Variants in DLG2 observed in about 807,000 individuals in gnomAD.
DLG2 encodes discs large MAGUK scaffold protein 2, also known as disks large homolog 2.
In DLG2, 45 loss-of-function variants were observed where a neutral mutation model predicts 132.5. That is an observed-to-expected ratio of 0.34 (90% confidence interval 0.27 to 0.44). The LOEUF (loss-of-function observed/expected upper bound fraction) is 0.44. DLG2 is among the 20% of genes least tolerant of loss of function. The pLI, the probability that DLG2 is intolerant of heterozygous loss-of-function variation, is 1.00. For missense variants in DLG2, 1,045 were observed against 1,196.9 expected (o/e 0.87, Z 1.87); for synonymous variants, 424 against 419.6 (o/e 1.01, Z -0.13).
chr11:84,880,616 AC>A (rs1176827664), intron 6 of DLG2, among the ~76,000 whole-genome samples: 1 of 152,160 alleles, frequency 6.6e-6, no homozygotes, highest in Admixed American at 6.6e-5. Flanking sequence ...ATGATAATAT[AC>A]CCTATCTCCC....
At chr11:85,395,861 C>G (rs1318990541) in intron 3 of DLG2, among the ~76,000 whole-genome samples, 1 of 152,228 alleles carries the variant, frequency 6.6e-6, no homozygotes, top group African/African-American at 2.4e-5. Context: ...AGGCAGCAGA[C>G]AGCTTCTGCA....
chr11:85,078,825 G>A (rs1300902420), intron 6 of DLG2, among the ~76,000 whole-genome samples: 1 of 152,086 alleles, frequency 6.6e-6, no homozygotes, highest in African/African-American at 2.4e-5. Flanking sequence ...AGCCAAGAGT[G>A]ATTTGTCATA....
intron 6 of DLG2, among the ~76,000 whole-genome samples, chr11:85,003,603 T>C (rs574199818): frequency 9.2e-5 from 14 of 152,224 alleles, no homozygotes; most frequent in Admixed American, 2.0e-4. Context: ...TTTTTCTTTG[T>C]TAAGGGTATA....
chr11:85,432,249 A>T (rs1192021506), intron 3 of DLG2, among the ~76,000 whole-genome samples: 4 of 152,180 alleles, frequency 2.6e-5, no homozygotes, highest in Non-Finnish European at 5.9e-5. Context: ...AAAACCCAAA[A>T]GCTCAGAGTG....
intron 19 of DLG2, among the ~76,000 whole-genome samples, chr11:83,573,365 G>C (rs1159217546): frequency 3.3e-5 from 5 of 152,104 alleles, no homozygotes; most frequent in Admixed American, 6.6e-5. Flanking sequence ...GGCTATAAGT[G>C]TCTTAGTACT....
intron 6 of DLG2, among the ~76,000 whole-genome samples, chr11:84,744,015 T>C (rs545966117): frequency 1.7e-4 from 26 of 152,276 alleles, no homozygotes; most frequent in African/African-American, 6.3e-4. Context: ...TGAGCCACCG[T>C]GCCCGGCCGG....
Position 85,123,638 on chromosome 11 carries a change from T to C in DLG2, c.283-11903A>G, listed in dbSNP as rs78793245. The stretch of plus-strand genomic sequence containing the variant: ...CAGAGAGTAAACATTTTCCGGGAAC[T>C]TTCGGCTTAAATTTACTTAATAGGT... On this transcript the variant is annotated intron_variant, in intron 5 of 27. Coordinates refer to ENST00000376104, the MANE Select transcript of DLG2 (RefSeq NM_001142699.3). Among the ~76,000 whole-genome samples, 1,478 of 152,314 alleles carry C rather than the reference T, an allele frequency of 9.7e-3. 19 individuals are homozygous for C. The highest frequency in any genetic ancestry group is 0.032 in the African/African-American group (1,340 of 41,550).
At chr11:85,152,900 T>G (rs532345252) in intron 5 of DLG2, among the ~76,000 whole-genome samples, 1 of 152,310 alleles carries the variant, frequency 6.6e-6, no homozygotes, top group African/African-American at 2.4e-5. Flanking sequence ...CAACCAGTTT[T>G]AATTCATAAG....
chr11:84,492,330 G>A (rs1055446076), intron 7 of DLG2, among the ~76,000 whole-genome samples: 10 of 152,114 alleles, frequency 6.6e-5, no homozygotes, highest in African/African-American at 2.4e-4. Context: ...CTTCTAATCA[G>A]TCCAAGCAAA....
At chr11:84,876,231 A>G (rs1019425846) in intron 6 of DLG2, among the ~76,000 whole-genome samples, 6 of 152,186 alleles carry the variant, frequency 3.9e-5, no homozygotes, top group Admixed American at 2.0e-4. Flanking sequence ...TAAGAAATAA[A>G]TTGTTTGGAA....
At chr11:84,096,528 T>A (rs1334533014) in intron 10 of DLG2, among the ~76,000 whole-genome samples, 3 of 152,040 alleles carry the variant, frequency 2.0e-5, no homozygotes, top group African/African-American at 4.8e-5. Flanking sequence ...TAACATAAAA[T>A]CTATTTCAAG....
Position 85,442,038 on chromosome 11 carries a change from T to C in DLG2, c.40+156619A>G, listed in dbSNP as rs1381798406. Among the ~76,000 whole-genome samples, 5 of 151,644 alleles carry C rather than the reference T, an allele frequency of 3.3e-5. No homozygotes were observed. The East Asian group carries it at 9.7e-4, about 29-fold the overall frequency. On this transcript the variant is annotated intron_variant, in intron 3 of 27. Coordinates refer to ENST00000376104, the MANE Select transcript of DLG2 (RefSeq NM_001142699.3). ...TATCCCATACAGAAGAAAAAATCAA[T>C]GTAAAAGCTGTTAGGGACAAGCTGA... is the stretch of plus-strand genomic sequence containing the variant.
At chr11:83,835,671 T>C (rs2154006390) in intron 16 of DLG2, among the ~76,000 whole-genome samples, 1 of 152,306 alleles carries the variant, frequency 6.6e-6, no homozygotes, top group Admixed American at 6.5e-5. Context: ...TCTAGCAGGT[T>C]AAAACCACAG....
intron 7 of DLG2, among the ~76,000 whole-genome samples, chr11:84,500,563 C>T (rs947052275): frequency 9.2e-5 from 14 of 152,192 alleles, no homozygotes; most frequent in African/African-American, 3.4e-4. Flanking sequence ...TCTCTATAAT[C>T]TGGCTAGGAA....
chr11:83,897,472 T>A (rs1010209265), intron 15 of DLG2, among the ~76,000 whole-genome samples: 1 of 152,222 alleles, frequency 6.6e-6, no homozygotes, highest in African/African-American at 2.4e-5. Context: ...AATTGTGTAT[T>A]CTATAAAAAC....
At chr11:84,987,473 C>T (rs980332098) in intron 6 of DLG2, among the ~76,000 whole-genome samples, 2 of 151,834 alleles carry the variant, frequency 1.3e-5, no homozygotes, top group Non-Finnish European at 2.9e-5. Flanking sequence ...CAAGACTAAG[C>T]AAAAAGAACA....
intron 14 of DLG2, among the ~76,000 whole-genome samples, chr11:83,950,787 C>G (rs73509832): frequency 6.6e-6 from 1 of 152,010 alleles, no homozygotes; most frequent in Non-Finnish European, 1.5e-5. Context: ...TCTCAGTCAC[C>G]CCCTGGAAGA....
rs5793132 is a variant in DLG2 at position 84,703,857 on chromosome 11, GATATATATATAT to G, written c.358-169138_358-169127del. Among the ~76,000 whole-genome samples, 366 of 102,694 alleles carry G rather than the reference GATATATATATAT, an allele frequency of 3.6e-3. 10 individuals carry two copies. Among genetic ancestry groups the G allele is most frequent in the African/African-American group, 0.015 (353 of 24,294 alleles). The allele number at this position is 102,694 out of a possible 152,430, so 67.4% of individuals were successfully genotyped here. A position where few individuals can be genotyped will look rare whatever the true frequency, so the allele number is the denominator to read the frequency against. Reference sequence around the variant, plus strand: ...AATAATGCTAAAACTATGTAGTGAAGATATATATATATATATATATATATATACACGTGTGTG... The same window carrying G: ...AATAATGCTAAAACTATGTAGTGAAGATATATATATATATACACGTGTGTG... On this transcript the variant is annotated intron_variant, in intron 6 of 27. Transcript: ENST00000376104.
intron 17 of DLG2, among the ~76,000 whole-genome samples, chr11:83,794,454 T>G (rs889868518): frequency 6.7e-5 from 10 of 150,338 alleles, no homozygotes; most frequent in African/African-American, 1.5e-4. Flanking sequence ...TTTTTTTTTT[T>G]TTTTTTTTTG....
Sources: gnomAD v4.1 joint callset for allele counts (sites outside exome capture counted in the v4.1 genomes callset) on GRCh38, gnomAD v4.1.1 for gene constraint, MANE v1.5 for transcripts, NCBI Gene and HGNC (gene_info 2026-07-23, HGNC 2026-07-21) for gene names.